Variants in MCC observed in about 807,000 individuals in gnomAD.
The protein encoded by MCC is MCC regulator of Wnt signaling pathway, also known as colorectal mutant cancer protein.
Under a neutral mutation model 116.2 loss-of-function variants are expected in MCC, and 90 were observed. The observed-to-expected ratio is 0.77, with a 90% CI of 0.65 to 0.92. The LOEUF (loss-of-function observed/expected upper bound fraction) is 0.92, where lower values mean the gene tolerates loss of function less well. MCC is among the 40% of genes least tolerant of loss of function. The probability of loss-of-function intolerance (pLI) is 0.00; values close to 1 mark genes in which losing one functional copy is unlikely to be tolerated. For synonymous variants in MCC, 578 were observed against 510.5 expected, an observed-to-expected ratio of 1.13 and a Z score of -1.78; for missense variants, 1,516 against 1,312.2, an observed-to-expected ratio of 1.16 and a Z score of -2.40.
chr5:113,350,094 T>C (rs1768230296), intron 2 of MCC, among the ~76,000 whole-genome samples: 1 of 152,030 alleles, frequency 6.6e-6, no homozygotes, highest in Non-Finnish European at 1.5e-5. Context: ...GAAGAACCAA[T>C]ATTGTTAAAC....
At chr5:113,063,295 C>T (rs1753349479) in intron 14 of MCC, among the ~76,000 whole-genome samples, 1 of 152,182 alleles carries the variant, frequency 6.6e-6, no homozygotes, top group Non-Finnish European at 1.5e-5. Context: ...TCTGACTCTC[C>T]ACTCCCATCC....
chr5:113,413,353 C>T (rs912686251), intron 1 of MCC, among the ~76,000 whole-genome samples: 2 of 152,114 alleles, frequency 1.3e-5, no homozygotes, highest in African/African-American at 4.8e-5. Context: ...ATGGTACCAG[C>T]TCCTCTTTGT....
At chr5:113,412,129 A>G (rs890664796) in intron 1 of MCC, among the ~76,000 whole-genome samples, 6 of 152,130 alleles carry the variant, frequency 3.9e-5, no homozygotes, top group Non-Finnish European at 8.8e-5. Context: ...CCATTGATCT[A>G]TATCTCTGTT....
chr5:113,445,566 C>G (rs1771186994), intron 1 of MCC, among the ~76,000 whole-genome samples: 1 of 152,004 alleles, frequency 6.6e-6, no homozygotes, highest in Non-Finnish European at 1.5e-5. Flanking sequence ...ACAAGGAGCA[C>G]TATAAAACAC....
intron 2 of MCC, among the ~76,000 whole-genome samples, chr5:113,351,213 A>G (rs1389621133): frequency 1.3e-5 from 2 of 151,492 alleles, no homozygotes; most frequent in African/African-American, 2.4e-5. Context: ...GGAAATCAGT[A>G]TATTGAAAGG....
intron 3 of MCC, among the ~76,000 whole-genome samples, chr5:113,177,740 T>G (rs892933000): frequency 1.3e-5 from 2 of 152,228 alleles, no homozygotes; most frequent in Non-Finnish European, 2.9e-5. Context: ...GCTGTAATCC[T>G]AACATACATA....
intron 8 of MCC, among the ~76,000 whole-genome samples, chr5:113,100,540 T>C (rs1429154266): frequency 6.8e-6 from 1 of 147,204 alleles, no homozygotes; most frequent in Admixed American, 6.8e-5. Context: ...GGTGCGATCT[T>C]GGCCCACTGC....
intron 2 of MCC, among the ~76,000 whole-genome samples, chr5:113,381,853 G>A (rs1395895981): frequency 6.6e-6 from 1 of 152,108 alleles, no homozygotes; most frequent in African/African-American, 2.4e-5. Context: ...GTAACCCCAA[G>A]GCACCTCCAA....
At chr5:113,124,438 T>C (rs892244296) in intron 5 of MCC, among the ~76,000 whole-genome samples, 7 of 152,248 alleles carry the variant, frequency 4.6e-5, no homozygotes, top group Non-Finnish European at 8.8e-5. Context: ...GTAATCAGCT[T>C]TGGCTCAGCC....
At chr5:113,473,147 C>T (rs1211237721) in intron 1 of MCC, among the ~76,000 whole-genome samples, 36 of 151,960 alleles carry the variant, frequency 2.4e-4, no homozygotes, top group Admixed American at 2.4e-3. Flanking sequence ...AGTAACTAAC[C>T]ATAGAGGGAT....
chr5:113,106,693 G>A (rs1284794048), intron 6 of MCC, among the ~76,000 whole-genome samples: 2 of 152,130 alleles, frequency 1.3e-5, no homozygotes, highest in African/African-American at 2.4e-5. Flanking sequence ...CCAAGATGCT[G>A]GGACTACAGG....
At chr5:113,436,933 A>G (rs1001273526) in intron 1 of MCC, 3 of 152,142 alleles carry the variant, frequency 2.0e-5, no homozygotes, top group African/African-American at 7.2e-5. Context: ...GACTGAACCA[A>G]TGTATACCTT....
intron 1 of MCC, among the ~76,000 whole-genome samples, chr5:113,421,501 A>G (rs918444819): frequency 6.6e-6 from 1 of 152,222 alleles, no homozygotes; most frequent in African/African-American, 2.4e-5. Flanking sequence ...ATTCACACAT[A>G]TTAAGACTTT....
chr5:113,476,578 A>G (rs1217064911), intron 1 of MCC, among the ~76,000 whole-genome samples: 2 of 152,250 alleles, frequency 1.3e-5, no homozygotes, highest in African/African-American at 4.8e-5. Flanking sequence ...AGCTAAAACT[A>G]TAAAACTCTT....
chr5:113,433,420 C>T, intron 1 of MCC: 1 of 584,358 alleles, frequency 1.7e-6, no homozygotes. Context: ...TCTTCCTGCT[C>T]TTGCTGTCAC....
intron 17 of MCC, among the ~76,000 whole-genome samples, chr5:113,031,897 A>G (rs2080897): frequency 0.75 from 113,829 of 152,044 alleles, 42,685 homozygotes; most frequent in East Asian, 0.79. Flanking sequence ...GTGGCGCAGG[A>G]GTGGGGAGTA....
chr5:113,108,713 A>C lies in MCC; in HGVS notation c.1028-4358T>G, dbSNP rs1481212646. Among the ~76,000 whole-genome samples, 3 of 152,106 alleles carry C rather than the reference A, an allele frequency of 2.0e-5. No homozygotes were observed. In the East Asian group the frequency reaches 5.8e-4, roughly 29 times the overall value. ...AACACAGTGCAGACACAAGGCAGAG[A>C]GCTGGCAAGATGTGAGGTCATTTAC... On this transcript the variant is annotated intron_variant, in intron 6 of 18. Coordinates refer to ENST00000408903, the MANE Select transcript of MCC (RefSeq NM_001085377.2).
rs1581443605 is a variant in MCC at position 113,385,014 on chromosome 5, C to T, written c.369G>A (p.Leu123=). The change falls in exon 2 of 19, where the codon CTG becomes CTA. Residue 123 remains leucine (L), a synonymous_variant. Transcript: ENST00000408903. ...TGGGCCAGGAAGCAATTCTATCCCT[C>T]AGCTTCTTTGTACAGGAGTTGTCTG... ...AKSDNSCTKK[L]RDRIASWPTS... The T allele has an allele frequency of 2.5e-6, 4 of 1,614,250 alleles. No individual in the cohort carries two copies. Among genetic ancestry groups the T allele is most frequent in the Non-Finnish European group, 3.4e-6 (4 of 1,180,048 alleles).
chr5:113,383,137 A>AT (rs34256945), intron 2 of MCC, among the ~76,000 whole-genome samples: 3 of 152,016 alleles, frequency 2.0e-5, no homozygotes, highest in Non-Finnish European at 2.9e-5. Flanking sequence ...CACATAAACA[A>AT]TTTTTTTTCA....
Sources: gnomAD v4.1 joint callset for allele counts (sites outside exome capture counted in the v4.1 genomes callset) on GRCh38, gnomAD v4.1.1 for gene constraint, MANE v1.5 for transcripts, NCBI Gene and HGNC (gene_info 2026-07-23, HGNC 2026-07-21) for gene names.